The following EXT1 variants were observed in gnomAD, a reference collection of about 807,000 sequenced individuals.
EXT1 encodes exostosin glycosyltransferase 1.
Under a neutral mutation model 82.5 loss-of-function variants are expected in EXT1, and 20 were observed. The observed-to-expected ratio is 0.24, with a 90% CI of 0.17 to 0.35. EXT1 has a LOEUF of 0.35. Among genes scored for constraint, EXT1 ranks in the 10% least tolerant of loss-of-function variants. The pLI, the probability that EXT1 is intolerant of heterozygous loss-of-function variation, is 1.00. For missense variants in EXT1, 757 were observed against 936.5 expected, an observed-to-expected ratio of 0.81 and a Z score of 2.50; for synonymous variants, 348 against 350.8, an observed-to-expected ratio of 0.99 and a Z score of 0.09.
chr8:117,982,723 C>T (rs774045664), intron 1 of EXT1, among the ~76,000 whole-genome samples: 1 of 152,088 alleles, frequency 6.6e-6, no homozygotes, highest in Non-Finnish European at 1.5e-5. Context: ...AACTCCTGAC[C>T]TCAAGTGATC....
At chr8:117,946,016 C>A (rs1254167886) in intron 1 of EXT1, among the ~76,000 whole-genome samples, 1 of 152,208 alleles carries the variant, frequency 6.6e-6, no homozygotes, top group Admixed American at 6.5e-5. Context: ...GATTCTCCTG[C>A]CTCAGTCTCC....
intron 1 of EXT1, among the ~76,000 whole-genome samples, chr8:117,942,203 A>C (rs976364498): frequency 4.6e-5 from 7 of 152,164 alleles, no homozygotes; most frequent in African/African-American, 1.7e-4. Context: ...TGTAACCCAA[A>C]TGAATCAGAC....
intron 1 of EXT1, among the ~76,000 whole-genome samples, chr8:117,946,245 G>A (rs1814385571): frequency 6.6e-6 from 1 of 152,220 alleles, no homozygotes; most frequent in South Asian, 2.1e-4. Context: ...AATATCAAAA[G>A]TATGACTGGG....
chr8:117,840,927 G>A (rs186057488), intron 1 of EXT1, among the ~76,000 whole-genome samples: 1 of 152,320 alleles, frequency 6.6e-6, no homozygotes, highest in East Asian at 1.9e-4. Context: ...AAGTGCTGAT[G>A]AGGATGTAAA....
chr8:117,897,020 G>C (rs1433009880), intron 1 of EXT1, among the ~76,000 whole-genome samples: 1 of 152,044 alleles, frequency 6.6e-6, no homozygotes, highest in South Asian at 2.1e-4. Context: ...GCCCCTACTT[G>C]ACAGCTATTC....
intron 1 of EXT1, among the ~76,000 whole-genome samples, chr8:117,875,154 C>T (rs752220009): frequency 8.5e-5 from 13 of 152,068 alleles, no homozygotes; most frequent in South Asian, 4.2e-4. Context: ...CCGTGGCTCA[C>T]GCCTGTAATC....
At chr8:117,978,836 TAC>T (rs1366403854) in intron 1 of EXT1, among the ~76,000 whole-genome samples, 1 of 152,222 alleles carries the variant, frequency 6.6e-6, no homozygotes, top group Non-Finnish European at 1.5e-5. Flanking sequence ...CAGTGTGCTG[TAC>T]CACACTGATA....
At chr8:117,950,614 T>G (rs1374669847) in intron 1 of EXT1, among the ~76,000 whole-genome samples, 1 of 152,204 alleles carries the variant, frequency 6.6e-6, no homozygotes, top group Non-Finnish European at 1.5e-5. Context: ...AATATCAGGG[T>G]CAAGTCCAAA....
At chr8:118,037,433 A>G (rs1816442796) in intron 1 of EXT1, among the ~76,000 whole-genome samples, 1 of 148,788 alleles carries the variant, frequency 6.7e-6, no homozygotes, top group Non-Finnish European at 1.5e-5. Context: ...GCTGGAGTGC[A>G]GTGGTGCAAT....
intron 1 of EXT1, among the ~76,000 whole-genome samples, chr8:118,038,815 G>C (rs1242084439): frequency 3.3e-5 from 5 of 152,174 alleles, no homozygotes; most frequent in Non-Finnish European, 2.9e-5. Flanking sequence ...CTCACTGCCT[G>C]CACTGATTTC....
chr8:118,072,629 T>C (rs1374869808), intron 1 of EXT1, among the ~76,000 whole-genome samples: 2 of 152,192 alleles, frequency 1.3e-5, no homozygotes, highest in African/African-American at 4.8e-5. Context: ...TCGAAAGCAA[T>C]GTGGAAATTG....
intron 1 of EXT1, among the ~76,000 whole-genome samples, chr8:118,109,360 T>TTA (rs1554601389): frequency 1.2e-3 from 162 of 138,600 alleles, no homozygotes; most frequent in African/African-American, 3.8e-3. Context: ...GGCCCACATT[T>TTA]AAAAAAAAAA....
At chr8:118,047,939 T>C (rs910888654) in intron 1 of EXT1, among the ~76,000 whole-genome samples, 4 of 151,862 alleles carry the variant, frequency 2.6e-5, no homozygotes, top group Admixed American at 6.6e-5. Context: ...AGCTGGAGAA[T>C]TGCTTGAATC....
intron 1 of EXT1, among the ~76,000 whole-genome samples, chr8:117,982,354 AAAG>A (rs1292301678): frequency 6.6e-6 from 1 of 152,242 alleles, no homozygotes; most frequent in African/African-American, 2.4e-5. Context: ...CAAAGCCATC[AAAG>A]AAGATGCTTC....
At chr8:117,856,594 G>A (rs1587013449) in intron 1 of EXT1, among the ~76,000 whole-genome samples, 1 of 111,914 alleles carries the variant, frequency 8.9e-6, no homozygotes, top group African/African-American at 2.8e-5. Flanking sequence ...TGATGACAGA[G>A]AGAAATGTGG....
At chr8:117,846,230 C>G (rs1812358368) in intron 1 of EXT1, among the ~76,000 whole-genome samples, 3 of 152,108 alleles carry the variant, frequency 2.0e-5, no homozygotes, top group Admixed American at 2.0e-4. Context: ...GCCTCAGACT[C>G]CCAAGTAGGT....
intron 1 of EXT1, among the ~76,000 whole-genome samples, chr8:117,946,930 T>C (rs1296516843): frequency 6.6e-6 from 1 of 152,146 alleles, no homozygotes; most frequent in African/African-American, 2.4e-5. Context: ...GAGGAAAACG[T>C]GGATGGCTTT....
chr8:117,822,889 A>T (rs1159385191), intron 4 of EXT1, among the ~76,000 whole-genome samples: 1 of 152,188 alleles, frequency 6.6e-6, no homozygotes, highest in Non-Finnish European at 1.5e-5. Context: ...TCATTCCAAA[A>T]TAGACTGTGT....
At chr8:118,061,250 T>G (rs956173546) in intron 1 of EXT1, among the ~76,000 whole-genome samples, 6 of 152,226 alleles carry the variant, frequency 3.9e-5, no homozygotes, top group African/African-American at 1.4e-4. Context: ...TATCATTTTA[T>G]TATTATCAAC....
Sources: allele counts gnomAD v4.1 joint callset (sites outside exome capture counted in the v4.1 genomes callset), GRCh38; gene constraint gnomAD v4.1.1; transcripts MANE v1.5; gene names NCBI Gene and HGNC (gene_info 2026-07-23, HGNC 2026-07-21).